Variants in NOP2 observed in about 807,000 individuals in gnomAD.
NOP2 encodes the protein 28S rRNA (cytosine(4447)-C(5))-methyltransferase.
Under a neutral mutation model 72.7 loss-of-function variants are expected in NOP2, and 7 were observed. The ratio of observed to expected loss-of-function variants is 0.10; its 90% CI spans 0.05 to 0.18. The LOEUF (loss-of-function observed/expected upper bound fraction) is 0.18. NOP2 is among the 10% of genes least tolerant of loss of function. NOP2 has a pLI of 1.00. For synonymous variants in NOP2, 387 were observed against 388.0 expected (o/e 1.00, Z 0.03); for missense variants, 954 against 1,014.7 (o/e 0.94, Z 0.81).
In NOP2 at chr12:6,556,998, A is replaced by G; in HGVS notation, c.2434T>C (p.Ser812Pro). Residue 812 changes from serine (S) to proline (P), a missense_variant, in exon 16 of 16, where the codon TCT (serine) becomes CCT (proline). Coordinates refer to ENST00000322166, the MANE Select transcript of NOP2 (RefSeq NM_001258308.2). ...QSRGNSQLLL[S>P] ...CCCGTCTAGTTTTCAACCATCTAAG[A>G]TAGCAGCAGCTGGCTGTTGCCCCTG... is the stretch of plus-strand genomic sequence containing the variant. 6.2e-7 allele frequency: 1 copy of G among 1,613,960 alleles called. No homozygotes were observed. Among genetic ancestry groups the G allele is most frequent in the Non-Finnish European group, 8.5e-7 (1 of 1,179,876 alleles).
rs755730346 is a variant in NOP2, at chr12:6,563,062, C to G, written c.978+19G>C. 19 of 1,564,870 alleles carry G rather than the reference C, an allele frequency of 1.2e-5. No individual in the cohort carries two copies. Among genetic ancestry groups the G allele is most frequent in the Non-Finnish European group, 1.6e-5 (19 of 1,154,606 alleles). On this transcript the variant is annotated intron_variant, in intron 9 of 15. Coordinates refer to ENST00000322166, the MANE Select transcript of NOP2 (RefSeq NM_001258308.2). The stretch of plus-strand genomic sequence containing the variant: ...CACTTCCCTTCTGAGATGAGTGAGC[C>G]TCAAAGGCCACCCCTCACCTGTGCA...
At chr12:6,563,817 T>C in intron 6 of NOP2, 46 bp from the exon 7 acceptor site, 2 of 1,612,578 alleles carry the variant, frequency 1.2e-6, no homozygotes, top group South Asian at 1.1e-5. Flanking sequence ...CCAAAACAGA[T>C]ACCTCCTCCT....
chr12:6,568,120 TGAAA>T, intron 1 of NOP2, 83 bp downstream of exon 1: 1 of 585,710 alleles, frequency 1.7e-6, no homozygotes, highest in Non-Finnish European at 3.0e-6. Context: ...CCCTCCCACC[TGAAA>T]CCCAGGTAGC....
At chr12:6,557,876 C>T in intron 15 of NOP2, 2 of 512,202 alleles carry the variant, frequency 3.9e-6, no homozygotes, top group Admixed American at 7.2e-5. Flanking sequence ...GGCGTGGTGG[C>T]TCACACCTGT....
At chr12:6,559,178 G>A (rs1947582504) in intron 15 of NOP2, among the ~76,000 whole-genome samples, 1 of 151,964 alleles carries the variant, frequency 6.6e-6, no homozygotes, top group Non-Finnish European at 1.5e-5. Flanking sequence ...GAGTGCAGTG[G>A]CACAATCTCA....
In NOP2 at chr12:6,560,499, T is replaced by C. The variant is rs373035166; in HGVS notation, c.1508A>G (p.Asn503Ser). 59 of 1,605,796 alleles carry C rather than the reference T, an allele frequency of 3.7e-5. No individual in the cohort carries two copies. Among genetic ancestry groups the C allele is most frequent in the African/African-American group, 9.4e-5 (7 of 74,350 alleles). ...GTAGCCTCCTGTCTTGGAGGTCGCA[T>C]TGACAGAGTCAATAGCACTCAGGAG... is the stretch of plus-strand genomic sequence containing the variant. ...ELLLSAIDSV[N>S]ATSKTGGYLV... is the part of the protein sequence containing the mutation. The change falls in exon 14 of 16, where the codon AAT (asparagine) becomes AGT (serine). Residue 503 changes from asparagine (N) to serine (S), a missense_variant. Asn to Ser is a conservative substitution (Grantham distance 46, BLOSUM62 1). Transcript: ENST00000322166. This position sits in a 1 kb window ranked among gnomAD's most constrained non-coding sequence, Gnocchi z 5.0.
In NOP2 at chr12:6,556,908, G is replaced by C. The variant is rs1266999133; in HGVS notation, c.*85C>G. On this transcript the variant is annotated 3_prime_UTR_variant, in exon 16 of 16. Transcript: ENST00000322166. The stretch of plus-strand genomic sequence containing the variant: ...AATGTGTATTAAATTTCATGGGTAT[G>C]CACAGTAGAGAAGGCATCCTCACAG... The C allele has an allele frequency of 2.7e-6, 4 of 1,465,598 alleles. No individual in the cohort carries two copies. In the East Asian group the frequency reaches 9.2e-5, roughly 34 times the overall value. 90.8% of individuals were successfully genotyped at this position (1,465,598 alleles called of 1,614,324 possible).
Position 6,560,889 on chromosome 12 carries a change from C to T in NOP2, c.1347+42G>A. 4 of 1,612,616 alleles carry T rather than the reference C, an allele frequency of 2.5e-6. No individual in the cohort carries two copies. The highest frequency in any genetic ancestry group is 3.4e-6 in the Non-Finnish European group (4 of 1,179,048). On this transcript the variant is annotated intron_variant, in intron 12 of 15. Transcript: ENST00000322166. The surrounding 1 kb of genome is among the most constrained non-coding windows in gnomAD (Gnocchi z 5.0). ...CATTGAGGTCAGGAAGGGAGAAGGT[C>T]AACCGGAAGAAGCCTCAGAAGACAC...
chr12:6,566,421 G>A, intron 4 of NOP2, 85 bp from the exon 5 acceptor site: 1 of 1,498,676 alleles, frequency 6.7e-7, no homozygotes, highest in Non-Finnish European at 9.2e-7. Context: ...CTACCCCTCA[G>A]AATGTCCTTT....
At position 6,563,524 on chromosome 12, in the gene NOP2, T is replaced by C. The variant is rs1440150281; in HGVS notation, c.689-10A>G. ...TCTGGAGCCTGGGCATGTGGGCCTGTTAAGGAACTGTGTCATGATGTCCTA... is the reference window on the plus strand; with the variant it reads ...TCTGGAGCCTGGGCATGTGGGCCTGCTAAGGAACTGTGTCATGATGTCCTA... On this transcript the variant is annotated splice_polypyrimidine_tract_variant and intron_variant, in intron 7 of 15. Transcript: ENST00000322166. 2 of 1,612,492 alleles carry C rather than the reference T, an allele frequency of 1.2e-6. No individual in the cohort carries two copies. Among genetic ancestry groups the C allele is most frequent in the Non-Finnish European group, 1.7e-6 (2 of 1,179,324 alleles).
intron 5 of NOP2, among the ~76,000 whole-genome samples, chr12:6,564,784 T>G (rs1947736931): frequency 1.3e-5 from 2 of 151,940 alleles, no homozygotes; most frequent in Admixed American, 6.6e-5. Flanking sequence ...CATAATCCAT[T>G]TTCAAGTTTG....
Position 6,560,944 on chromosome 12 carries a change from C to A in NOP2, c.1334G>T (p.Arg445Leu), listed in dbSNP as rs777695951. Residue 445 changes from arginine (R) to leucine (L), a missense_variant, in exon 12 of 16, where the codon CGC becomes CTC. Transcript: ENST00000322166. This position sits in a 1 kb window ranked among gnomAD's most constrained non-coding sequence, Gnocchi z 5.0. ...CTCGAGTCTCACCTTGGGGAACTGGCGCCCATCATAGTGGCTGATAATGGT... is the reference window on the plus strand; with the variant it reads ...CTCGAGTCTCACCTTGGGGAACTGGAGCCCATCATAGTGGCTGATAATGGT... ...TNTIISHYDG[R>L]QFPKVVGGFD... 6.2e-7 allele frequency: 1 copy of A among 1,613,738 alleles called. No homozygotes were observed. The highest frequency in any genetic ancestry group is 1.7e-5 in the Admixed American group (1 of 59,984).
chr12:6,560,349 G>A lies in NOP2; in HGVS notation c.1561-23C>T. Reference sequence around the variant, plus strand: ...TACCTGGATGTGGGGGGAAGACAAAGAACGGAGGAAAAAGCAGAGCTGGAG... The same window carrying A: ...TACCTGGATGTGGGGGGAAGACAAAAAACGGAGGAAAAAGCAGAGCTGGAG... On this transcript the variant is annotated intron_variant, in intron 14 of 15. Transcript: ENST00000322166. The surrounding 1 kb of genome is among the most constrained non-coding windows in gnomAD (Gnocchi z 5.0). 6.2e-7 allele frequency: 1 copy of A among 1,609,616 alleles called. No homozygotes were observed. The highest frequency in any genetic ancestry group is 1.1e-5 in the South Asian group (1 of 90,940).
rs1413467192 is a variant in NOP2, at chr12:6,568,190, A to G, written c.-5+17T>C. ...CAGTGCTGCCACTCTTCGTCCCCCA[A>G]TTTCCTCTAGACCCACCAGAATGCG... On this transcript the variant is annotated intron_variant, in intron 1 of 15. Transcript: ENST00000322166. 2.1e-6 allele frequency: 1 copy of G among 470,886 alleles called. No individual in the cohort carries two copies. The highest frequency in any genetic ancestry group is 2.4e-5 in the South Asian group (1 of 41,606). The allele number at this position is 470,886 out of a possible 1,614,324, so 29.2% of individuals were successfully genotyped here. A position where few individuals can be genotyped will look rare whatever the true frequency, so the allele number is the denominator to read the frequency against.
chr12:6,560,552 C>A lies in NOP2; in HGVS notation c.1455G>T (p.Leu485=). Residue 485 remains leucine, a synonymous_variant, in exon 14 of 16, where the codon CTG becomes CTT. Coordinates refer to ENST00000322166, the MANE Select transcript of NOP2 (RefSeq NM_001258308.2). This position sits in a 1 kb window ranked among gnomAD's most constrained non-coding sequence, Gnocchi z 5.0. The stretch of plus-strand genomic sequence containing the variant: ...ACTCCTTCTGGAGGTGAGCACAGCG[C>A]AGGATGTCCTTCTCATCCTGTCCCA... ...VKTNKDEKDI[L]RCAHLQKELL... 6.3e-7 allele frequency: 1 copy of A among 1,599,938 alleles called. No individual in the cohort carries two copies. Among genetic ancestry groups the A allele is most frequent in the Non-Finnish European group, 8.5e-7 (1 of 1,171,160 alleles).
chr12:6,561,089 C>G lies in NOP2; in HGVS notation c.1208-19G>C. The G allele has an allele frequency of 6.2e-7, 1 of 1,612,406 alleles. No homozygotes were observed. Among genetic ancestry groups the G allele is most frequent in the Non-Finnish European group, 8.5e-7 (1 of 1,178,720 alleles). On this transcript the variant is annotated intron_variant, in intron 11 of 15. Transcript: ENST00000322166. Reference sequence around the variant, plus strand: ...AGCTGGGCTAAAGAGAGGGCAGTAACAGTGCTGATCAGCCAGTTCCACTGT... The same window carrying G: ...AGCTGGGCTAAAGAGAGGGCAGTAAGAGTGCTGATCAGCCAGTTCCACTGT...
At chr12:6,567,789 G>C in intron 2 of NOP2, 27 bp downstream of exon 2, 1 of 1,554,398 alleles carries the variant, frequency 6.4e-7, no homozygotes, top group Non-Finnish European at 8.9e-7. Flanking sequence ...AAAGCTGAGG[G>C]ATCAGGAGGC....
rs775513388 is a variant in NOP2, at chr12:6,557,214, G to C, written c.2218C>G (p.Leu740Val). 29 of 1,613,936 alleles carry C rather than the reference G, an allele frequency of 1.8e-5. No homozygotes were observed. In the Middle Eastern group the frequency reaches 4.9e-4, roughly 27 times the overall value. ...VLSPSKTQAT[L>V]KPKDHHQPLG... ...GGCTGATGATGGTCCTTAGGTTTCA[G>C]GGTGGCCTGAGTCTTGGATGGGGAT... is the stretch of plus-strand genomic sequence containing the variant. The change falls in exon 16 of 16, where the codon CTG (leucine) becomes GTG (valine). Residue 740 changes from leucine to valine, a missense_variant. This residue lies in a region of NOP2 where 269 missense variants were observed against 260.2 expected (regional missense o/e 1.03). Coordinates refer to ENST00000322166, the MANE Select transcript of NOP2 (RefSeq NM_001258308.2).
intron 4 of NOP2, 53 bp downstream of exon 4, chr12:6,566,476 C>T (rs1014542364): frequency 1.3e-6 from 2 of 1,571,538 alleles, no homozygotes; most frequent in Non-Finnish European, 1.8e-6. Flanking sequence ...TTCTTCCCTA[C>T]CCAGGACCCA....
Sources: allele counts gnomAD v4.1 joint callset (sites outside exome capture counted in the v4.1 genomes callset), GRCh38; gene constraint gnomAD v4.1.1; regional missense constraint gnomAD v4.1.1; non-coding constraint Gnocchi (gnomAD v3.1); transcripts MANE v1.5; gene names NCBI Gene and HGNC (gene_info 2026-07-23, HGNC 2026-07-21).